CCDC157: variants seen among roughly 807,000 people sequenced by gnomAD.
CCDC157 encodes coiled-coil domain containing 157.
In CCDC157, 60 loss-of-function variants were observed where a neutral mutation model predicts 70.9. That is an observed-to-expected ratio of 0.85 (90% CI 0.69 to 1.05). CCDC157 has a LOEUF of 1.05. CCDC157 is among the 50% of genes least tolerant of loss of function. The pLI, the probability that CCDC157 is intolerant of heterozygous loss-of-function variation, is 0.00. For missense variants in CCDC157, 943 were observed against 984.2 expected, an observed-to-expected ratio of 0.96 and a Z score of 0.56; for synonymous variants, 373 against 422.4, an observed-to-expected ratio of 0.88 and a Z score of 1.43.
intron 9 of CCDC157, 125 bp from the exon 10 acceptor site, chr22:30,375,354 A>G: frequency 1.2e-6 from 1 of 810,312 alleles, no homozygotes; most frequent in Non-Finnish European, 2.0e-6. Context: ...GGAAGGGGGA[A>G]TAAGGCCTCG....
chr22:30,367,696 C>G (rs995330873), intron 3 of CCDC157, among the ~76,000 whole-genome samples: 4 of 152,076 alleles, frequency 2.6e-5, no homozygotes, highest in Non-Finnish European at 5.9e-5. Context: ...GCAAAGCTAA[C>G]ATGGTCACCA....
At chr22:30,363,757 C>T (rs750399677) in intron 2 of CCDC157, among the ~76,000 whole-genome samples, 2 of 146,938 alleles carry the variant, frequency 1.4e-5, no homozygotes, top group African/African-American at 2.5e-5. Context: ...GGCGCGATCT[C>T]GGCTCACTGC....
chr22:30,370,261 G>A, intron 4 of CCDC157, 65 bp from the exon 5 acceptor site: 2 of 1,558,936 alleles, frequency 1.3e-6, no homozygotes, highest in Non-Finnish European at 1.8e-6. Flanking sequence ...ATCCCCCAGG[G>A]AACCAGTCAC....
In CCDC157 at chr22:30,377,523, A is replaced by G. The variant is rs1933429696; in HGVS notation, c.*778A>G. The G allele has an allele frequency of 6.5e-6, 1 of 153,474 alleles. No individual in the cohort carries two copies. The highest frequency in any genetic ancestry group is 6.4e-5 in the Admixed American group (1 of 15,562). The allele number at this position is 153,474 out of a possible 1,614,324, so 9.5% of individuals were successfully genotyped here. A position where few individuals can be genotyped will look rare whatever the true frequency, so the allele number is the denominator to read the frequency against. ...TGAGCCACCTCACCTGTGAAGGACA[A>G]TCTCCAAAAACTTGCTGAGGCCTTC... On this transcript the variant is annotated 3_prime_UTR_variant, in exon 12 of 12. Transcript: ENST00000338306.
intron 3 of CCDC157, chr22:30,366,479 C>T: frequency 1.7e-6 from 1 of 589,426 alleles, no homozygotes; most frequent in Admixed American, 3.0e-5. Flanking sequence ...AGCCTGTCCA[C>T]CTCAGGCAGT....
At position 30,371,672 on chromosome 22, in the gene CCDC157, G is replaced by A. The variant is rs1932951222; in HGVS notation, c.1068G>A (p.Lys356=). 1 of 1,614,078 alleles carries A rather than the reference G, an allele frequency of 6.2e-7. No individual in the cohort carries two copies. Among genetic ancestry groups the A allele is most frequent in the African/African-American group, 1.3e-5 (1 of 74,942 alleles). The change falls in exon 6 of 12, where the codon AAG becomes AAA. Residue 356 remains lysine, a synonymous_variant. Transcript: ENST00000338306. ...LLTETSDLKT[K]MATLERELKQ... is the part of the protein sequence containing the mutation. Reference sequence around the variant, plus strand: ...TAGAAACAAGTGACCTAAAGACAAAGATGGCCACCCTGGAGAGAGAACTGA... The same window carrying A: ...TAGAAACAAGTGACCTAAAGACAAAAATGGCCACCCTGGAGAGAGAACTGA...
chr22:30,367,092 C>G (rs1031579990), intron 3 of CCDC157: 3 of 150,648 alleles, frequency 2.0e-5, no homozygotes, highest in Admixed American at 6.6e-5. Context: ...ATAAAGTTAA[C>G]ATGGTGTGCT....
intron 2 of CCDC157, among the ~76,000 whole-genome samples, chr22:30,362,320 C>A (rs985606669): frequency 3.9e-5 from 6 of 152,180 alleles, no homozygotes; most frequent in Admixed American, 2.0e-4. Context: ...GTGGTGTATG[C>A]TGGGAAGAAA....
chr22:30,369,603 G>A lies in CCDC157; in HGVS notation c.420G>A (p.Gln140=). Residue 140 remains glutamine (Q), a splice_region_variant and synonymous_variant, in exon 4 of 12, where the codon CAG becomes CAA. Coordinates refer to ENST00000338306, the MANE Select transcript of CCDC157 (RefSeq NM_001017437.5). ...CGCTCCACCAGCAGCCACTCCCCCA[G>A]GTGGGTCCCAGCCTCTGTCTCAGGT... ...LGTLHQQPLP[Q]KGANQRETPT... 1 of 1,550,248 alleles carries A rather than the reference G, an allele frequency of 6.5e-7. No homozygotes were observed. The highest frequency in any genetic ancestry group is 8.7e-7 in the Non-Finnish European group (1 of 1,151,034).
intron 4 of CCDC157, chr22:30,369,892 G>A: frequency 2.2e-6 from 1 of 460,932 alleles, no homozygotes; most frequent in East Asian, 3.3e-5. Flanking sequence ...GAGGTCATGT[G>A]ACCCCTGTTT....
At chr22:30,367,623 T>C (rs1413391453) in intron 3 of CCDC157, among the ~76,000 whole-genome samples, 3 of 151,926 alleles carry the variant, frequency 2.0e-5, no homozygotes, top group African/African-American at 7.3e-5. Context: ...CAGTGAGCCA[T>C]GATCATGCCA....
chr22:30,360,791 T>C (rs1421482491), intron 1 of CCDC157, among the ~76,000 whole-genome samples: 1 of 152,146 alleles, frequency 6.6e-6, no homozygotes, highest in Non-Finnish European at 1.5e-5. Flanking sequence ...CTCATACCTA[T>C]AATCCCAGCA....
Position 30,376,854 on chromosome 22 carries a change from C to T in CCDC157, c.*109C>T. 2 of 1,141,100 alleles carry T rather than the reference C, an allele frequency of 1.8e-6. No homozygotes were observed. Among genetic ancestry groups the T allele is most frequent in the Non-Finnish European group, 2.5e-6 (2 of 808,562 alleles). 70.7% of individuals were successfully genotyped at this position (1,141,100 alleles called of 1,614,324 possible). A position where few individuals can be genotyped will look rare whatever the true frequency, so the allele number is the denominator to read the frequency against. On this transcript the variant is annotated 3_prime_UTR_variant, in exon 12 of 12. Transcript: ENST00000338306. ...ATCTTTGCCTCACAGTATGACTGAG[C>T]CAAGGAAAGAACCCTTCCTTCCCTG... is the stretch of plus-strand genomic sequence containing the variant.
At chr22:30,369,899 G>T in intron 4 of CCDC157, 1 of 457,732 alleles carries the variant, frequency 2.2e-6, no homozygotes, top group South Asian at 4.3e-5. Flanking sequence ...TGTGACCCCT[G>T]TTTGTTATGG....
chr22:30,356,748 C>A (rs769730264), upstream of CCDC157: 60 of 1,492,708 alleles, frequency 4.0e-5, no homozygotes, highest in Non-Finnish European at 5.4e-5. Flanking sequence ...GCTCCGTGGG[C>A]ACGGGCGGCG....
chr22:30,373,325 T>G, intron 7 of CCDC157: 1 of 471,250 alleles, frequency 2.1e-6, no homozygotes, highest in Non-Finnish European at 3.8e-6. Flanking sequence ...GAAGTGGGGG[T>G]GAGACCCCCA....
Position 30,377,033 on chromosome 22 carries a change from A to T in CCDC157, c.*288A>T. Reference sequence around the variant, plus strand: ...ACACCCAGGGCAGAGGAAGCTCCTAAGACCTGGGCCAGGTGAAGGTCCGTT... The same window carrying T: ...ACACCCAGGGCAGAGGAAGCTCCTATGACCTGGGCCAGGTGAAGGTCCGTT... On this transcript the variant is annotated 3_prime_UTR_variant, in exon 12 of 12. Coordinates refer to ENST00000338306, the MANE Select transcript of CCDC157 (RefSeq NM_001017437.5). 2.1e-6 allele frequency: 1 copy of T among 485,926 alleles called. No individual in the cohort carries two copies. Among genetic ancestry groups the T allele is most frequent in the Admixed American group, 3.4e-5 (1 of 29,694 alleles). The allele number at this position is 485,926 out of a possible 1,614,324, so 30.1% of individuals were successfully genotyped here. A position where few individuals can be genotyped will look rare whatever the true frequency, so the allele number is the denominator to read the frequency against.
chr22:30,365,718 G>A (rs1350882264), intron 2 of CCDC157, among the ~76,000 whole-genome samples: 1 of 152,182 alleles, frequency 6.6e-6, no homozygotes, highest in Non-Finnish European at 1.5e-5. Flanking sequence ...GCCTTGAGCA[G>A]GGGGCCCAAC....
At chr22:30,358,029 A>C (rs1932049112) in intron 1 of CCDC157, among the ~76,000 whole-genome samples, 1 of 152,168 alleles carries the variant, frequency 6.6e-6, no homozygotes, top group African/African-American at 2.4e-5. Context: ...CTCGCTCCCC[A>C]GAGGCCTACC....
Sources: gnomAD v4.1 joint callset for allele counts (sites outside exome capture counted in the v4.1 genomes callset) on GRCh38, gnomAD v4.1.1 for gene constraint, MANE v1.5 for transcripts, NCBI Gene and HGNC (gene_info 2026-07-23, HGNC 2026-07-21) for gene names.